The following PLCH1 variants were observed in gnomAD, a reference collection of about 807,000 sequenced individuals.
PLCH1 encodes phospholipase C eta 1, also known as 1-phosphatidylinositol 4,5-bisphosphate phosphodiesterase eta-1.
PLCH1 carries 60 observed loss-of-function variants against 126.7 expected under a neutral mutation model. That is an observed-to-expected ratio of 0.47 (90% CI 0.38 to 0.59). The LOEUF (loss-of-function observed/expected upper bound fraction) is 0.59. PLCH1 is among the 20% of genes least tolerant of loss of function. The probability of loss-of-function intolerance (pLI) is 0.00; values close to 1 mark genes in which losing one functional copy is unlikely to be tolerated. For synonymous variants in PLCH1, 719 were observed against 734.9 expected, an observed-to-expected ratio of 0.98 and a Z score of 0.35; for missense variants, 1,723 against 2,040.0, an observed-to-expected ratio of 0.84 and a Z score of 2.99.
At chr3:155,704,668 C>T (rs1187397320) in intron 1 of PLCH1, among the ~76,000 whole-genome samples, 2 of 152,142 alleles carry the variant, frequency 1.3e-5, no homozygotes, top group Non-Finnish European at 2.9e-5. Context: ...CTAACAGGAA[C>T]GAAGCTATCA....
rs369423283 is a variant in PLCH1, at chr3:155,458,558, A to AAGAAAGAAAG, written c.2938+26797_2938+26798insCTTTCTTTCT. The stretch of plus-strand genomic sequence containing the variant: ...AGAAAAAGAAAAAGAAAGAAAGAGA[A>AAGAAAGAAAG]AAAGAAAGAAAGAAAGAAAGAAAGG... On this transcript the variant is annotated intron_variant, in intron 21 of 21. Transcript: ENST00000494598. 9.0e-4 allele frequency among the ~76,000 whole-genome samples: 116 copies of AAGAAAGAAAG among 128,380 alleles called. 3 individuals are homozygous for AAGAAAGAAAG. The highest frequency in any genetic ancestry group is 3.5e-3 in the African/African-American group (108 of 30,736). 84.2% of individuals were successfully genotyped at this position (128,380 alleles called of 152,430 possible).
intron 2 of PLCH1, among the ~76,000 whole-genome samples, chr3:155,670,220 G>A (rs1743269149): frequency 6.6e-6 from 1 of 152,110 alleles, no homozygotes; most frequent in Non-Finnish European, 1.5e-5. Context: ...TTATAAAAGA[G>A]GAATGAAATT....
intron 21 of PLCH1, among the ~76,000 whole-genome samples, chr3:155,454,360 C>T (rs1712387872): frequency 6.6e-6 from 1 of 151,906 alleles, no homozygotes; most frequent in African/African-American, 2.4e-5. Flanking sequence ...ATTAGCTGGA[C>T]GTAGTGGTGC....
At chr3:155,667,295 G>A (rs1311279252) in intron 2 of PLCH1, among the ~76,000 whole-genome samples, 1 of 152,104 alleles carries the variant, frequency 6.6e-6, no homozygotes, top group African/African-American at 2.4e-5. Context: ...CCTGACACCA[G>A]TGTTCCTCTT....
rs368439230 is a variant in PLCH1, at chr3:155,724,484, A to G, written c.-40-20220T>C. On this transcript the variant is annotated intron_variant, in intron 1 of 22. Transcript: ENST00000460012. ...TTCCTGTTGGACTAATTCTTTTATC[A>G]TTGTATAATGTCCCTCTTTGTCTTT... Among the ~76,000 whole-genome samples, 3 of 152,150 alleles carry G rather than the reference A, an allele frequency of 2.0e-5. No individual in the cohort carries two copies. In the East Asian group the frequency reaches 5.8e-4, roughly 29 times the overall value.
At chr3:155,596,110 C>T (rs977325519) in intron 3 of PLCH1, 122 bp downstream of exon 3, 1 of 728,028 alleles carries the variant, frequency 1.4e-6, no homozygotes, top group African/African-American at 1.8e-5. Context: ...TATCCAAAAT[C>T]AACTATCTCC....
At chr3:155,536,162 G>T (rs1230193835) in intron 10 of PLCH1, among the ~76,000 whole-genome samples, 3 of 152,190 alleles carry the variant, frequency 2.0e-5, no homozygotes, top group African/African-American at 7.2e-5. Context: ...TGGGACAAAA[G>T]AATCTGAACA....
At chr3:155,646,085 GT>G (rs1476252387) in intron 2 of PLCH1, among the ~76,000 whole-genome samples, 2 of 152,096 alleles carry the variant, frequency 1.3e-5, no homozygotes, top group African/African-American at 4.8e-5. Context: ...AGATTTGTTG[GT>G]TTGCATGTGA....
At chr3:155,730,675 C>A (rs1353862579) in intron 1 of PLCH1, among the ~76,000 whole-genome samples, 2 of 152,060 alleles carry the variant, frequency 1.3e-5, no homozygotes, top group Non-Finnish European at 2.9e-5. Context: ...AAAAGAAGAG[C>A]GAGATGGCAA....
intron 2 of PLCH1, among the ~76,000 whole-genome samples, chr3:155,673,402 GTCTATC>G (rs146153079): frequency 6.6e-6 from 1 of 152,062 alleles, no homozygotes; most frequent in East Asian, 1.9e-4. Flanking sequence ...AAAGCACATG[GTCTATC>G]TCTATTAATT....
In PLCH1 at chr3:155,554,098, T is replaced by C; in HGVS notation, c.1168A>G (p.Lys390Glu). The change falls in exon 9 of 23, where the codon AAG becomes GAG. Residue 390 changes from lysine (K) to glutamate (E), a missense_variant. By Grantham distance (56) the Lys-to-Glu change is moderately conservative (BLOSUM62 1). Around this residue, in one of 2 missense-constraint regions of PLCH1, gnomAD observed 776 missense variants for 1,062.9 expected, o/e 0.73. Transcript: ENST00000460012. ...LFRDVVETINKHAFVKNEFPV... is the reference protein window; with the variant it reads ...LFRDVVETINEHAFVKNEFPV... Reference sequence around the variant, plus strand: ...TACTCATTCTTCACAAAGGCATGCTTGTTGATGGTCTCCACAACATCTCTG... The same window carrying C: ...TACTCATTCTTCACAAAGGCATGCTCGTTGATGGTCTCCACAACATCTCTG... 1 of 1,614,074 alleles carries C rather than the reference T, an allele frequency of 6.2e-7. No individual in the cohort carries two copies. Among genetic ancestry groups the C allele is most frequent in the Non-Finnish European group, 8.5e-7 (1 of 1,179,936 alleles).
At chr3:155,663,804 T>A (rs1236426655) in intron 2 of PLCH1, among the ~76,000 whole-genome samples, 1 of 152,136 alleles carries the variant, frequency 6.6e-6, no homozygotes, top group Non-Finnish European at 1.5e-5. Context: ...TTGTACTGAT[T>A]GGCTGATATA....
At position 155,514,867 on chromosome 3, in the gene PLCH1, C is replaced by T. The variant is rs372774141; in HGVS notation, c.1488G>A (p.Glu496=). 22 of 1,605,180 alleles carry T rather than the reference C, an allele frequency of 1.4e-5. No homozygotes were observed. In the African/African-American group the frequency reaches 2.8e-4, roughly 20 times the overall value. Residue 496 remains glutamate (E), a synonymous_variant, in exon 12 of 23, where the codon GAG becomes GAA. Coordinates refer to ENST00000460012, the MANE Select transcript of PLCH1 (RefSeq NM_014996.4). ...FKLHYSNGTT[E]HQVESFIRKK... ...TCCTTATGAAAGATTCCACCTGATG[C>T]TCAGTGGTCCCATTACTCTGCAAAG...
At chr3:155,463,663 C>A (rs1712813096) in intron 21 of PLCH1, among the ~76,000 whole-genome samples, 1 of 152,134 alleles carries the variant, frequency 6.6e-6, no homozygotes, top group African/African-American at 2.4e-5. Context: ...GTACAAAAGT[C>A]TCTTTATATT....
chr3:155,655,704 G>C (rs550643721), intron 2 of PLCH1, among the ~76,000 whole-genome samples: 8 of 151,986 alleles, frequency 5.3e-5, no homozygotes, highest in African/African-American at 1.9e-4. Flanking sequence ...CCCTAGAATC[G>C]GACATCACCT....
chr3:155,612,142 C>T (rs1286814456), intron 2 of PLCH1, among the ~76,000 whole-genome samples: 1 of 151,844 alleles, frequency 6.6e-6, no homozygotes, highest in Non-Finnish European at 1.5e-5. Flanking sequence ...TGTGGTGAAA[C>T]TTCGTCTCTA....
rs190414458 is a variant in PLCH1 at position 155,518,659 on chromosome 3, G to C, written c.1471-3775C>G. On this transcript the variant is annotated intron_variant, in intron 11 of 22. Transcript: ENST00000460012. Reference sequence around the variant, plus strand: ...AAGGTCAGAAGCAAATCCAAGAAAAGAACTCCACGTCTCTAACCCCCAACG... The same window carrying C: ...AAGGTCAGAAGCAAATCCAAGAAAACAACTCCACGTCTCTAACCCCCAACG... Among the ~76,000 whole-genome samples, 16 of 152,222 alleles carry C rather than the reference G, an allele frequency of 1.1e-4. No homozygotes were observed. The East Asian group carries it at 2.9e-3, about 28-fold the overall frequency.
At position 155,516,478 on chromosome 3, in the gene PLCH1, A is replaced by C. The variant is rs569498455; in HGVS notation, c.1471-1594T>G. On this transcript the variant is annotated intron_variant, in intron 11 of 22. Coordinates refer to ENST00000460012, the MANE Select transcript of PLCH1 (RefSeq NM_014996.4). The stretch of plus-strand genomic sequence containing the variant: ...GAACACATGAGTTTTCCTAGAGTTC[A>C]TGGAGTAGGGTAGTGGCAGATAAAG... Among the ~76,000 whole-genome samples, 82 of 152,320 alleles carry C rather than the reference A, an allele frequency of 5.4e-4. No homozygotes were observed. In the South Asian group the frequency reaches 0.017, roughly 31 times the overall value.
chr3:155,593,841 T>C (rs1393062994), intron 4 of PLCH1, 100 bp downstream of exon 4: 4 of 1,224,294 alleles, frequency 3.3e-6, no homozygotes, highest in Non-Finnish European at 3.4e-6. Flanking sequence ...AGGAAAATTA[T>C]GGGAAAAATT....
Sources: allele counts gnomAD v4.1 joint callset (sites outside exome capture counted in the v4.1 genomes callset), GRCh38; gene constraint gnomAD v4.1.1; regional missense constraint gnomAD v4.1.1; transcripts MANE v1.5; gene names NCBI Gene and HGNC (gene_info 2026-07-23, HGNC 2026-07-21).